The following COL4A2 variants were observed in gnomAD, a reference collection of about 807,000 sequenced individuals.
COL4A2 encodes the protein collagen alpha-2(IV) chain.
Under a neutral mutation model 200.2 loss-of-function variants are expected in COL4A2, and 99 were observed. The ratio of observed to expected loss-of-function variants is 0.49; its 90% CI spans 0.42 to 0.58. The LOEUF is 0.58. Among genes scored for constraint, COL4A2 ranks in the 20% least tolerant of loss-of-function variants. The probability of loss-of-function intolerance (pLI) is 0.00; values close to 1 mark genes in which losing one functional copy is unlikely to be tolerated. For synonymous variants in COL4A2, 897 were observed against 900.6 expected (o/e 1.00, Z 0.07); for missense variants, 1,950 against 2,314.1 (o/e 0.84, Z 3.23).
At chr13:110,384,754 T>C (rs1470149345) in intron 4 of COL4A2, among the ~76,000 whole-genome samples, 3 of 152,194 alleles carry the variant, frequency 2.0e-5, no homozygotes, top group African/African-American at 7.2e-5. Flanking sequence ...AAAGCCACTG[T>C]CTTCCCTCTC....
In COL4A2 at chr13:110,445,868, C is replaced by T; in HGVS notation, c.997C>T (p.Pro333Ser). The T allele has an allele frequency of 6.2e-7, 1 of 1,614,156 alleles. No individual in the cohort carries two copies. The highest frequency in any genetic ancestry group is 1.1e-5 in the South Asian group (1 of 91,076). Residue 333 changes from proline to serine, a missense_variant, in exon 17 of 48, where the codon CCC becomes TCC. This residue lies in a region of COL4A2 where 565 missense variants were observed against 593.5 expected (regional missense o/e 0.95). Transcript: ENST00000360467. ...GLDGYQGPDG[P>S]RGPKGEAGDP... ...GGATGGCTATCAAGGGCCTGATGGA[C>T]CCCGGGGACCCAAGGTGAGCCCGTT...
chr13:110,450,541 T>C, intron 20 of COL4A2, 87 bp downstream of exon 20: 1 of 1,494,486 alleles, frequency 6.7e-7, no homozygotes, highest in East Asian at 2.3e-5. Flanking sequence ...GATTCTCTGC[T>C]AAATGACTCT....
intron 16 of COL4A2, among the ~76,000 whole-genome samples, chr13:110,445,120 G>A (rs1881271951): frequency 6.6e-6 from 1 of 152,114 alleles, no homozygotes; most frequent in African/African-American, 2.4e-5. Flanking sequence ...CGAAGTGCTG[G>A]GATTACAGGC....
rs2296847 is a variant in COL4A2, at chr13:110,495,745, C to T, written c.3760+278C>T. On this transcript the variant is annotated intron_variant, in intron 40 of 47. Transcript: ENST00000360467. ...TAGAGACCCCATCAGATCCTCTGTGCGCCTGGGGCACTGGCACAGGCCTTG... is the reference window on the plus strand; with the variant it reads ...TAGAGACCCCATCAGATCCTCTGTGTGCCTGGGGCACTGGCACAGGCCTTG... Among the ~76,000 whole-genome samples, 5,159 of 152,258 alleles carry T rather than the reference C, an allele frequency of 0.034. 228 individuals are homozygous for T. The highest frequency in any genetic ancestry group is 0.17 in the East Asian group (896 of 5,166).
chr13:110,458,850 C>T lies in COL4A2; in HGVS notation c.1512C>T (p.Phe504=), dbSNP rs764125351. The change falls in exon 22 of 48, where the codon TTC becomes TTT. Residue 504 remains phenylalanine, a synonymous_variant. Transcript: ENST00000360467. ...CGGGACTGCCAGGACCCAAGGGCTT[C>T]GCAGGCATCAACGGGGAGCCGGGGA... ...GLPGLPGPKG[F]AGINGEPGRK... is the part of the protein sequence containing the mutation. 6 of 1,613,384 alleles carry T rather than the reference C, an allele frequency of 3.7e-6. No individual in the cohort carries two copies. The highest frequency in any genetic ancestry group is 3.3e-5 in the Admixed American group (2 of 59,944).
Position 110,446,652 on chromosome 13 carries a change from A to G in COL4A2, c.1012-146A>G, listed in dbSNP as rs144775429. On this transcript the variant is annotated intron_variant, in intron 17 of 47. Coordinates refer to ENST00000360467, the MANE Select transcript of COL4A2 (RefSeq NM_001846.4). Reference sequence around the variant, plus strand: ...CACCCTAGCATGGGGATGCTGCCCCAGGCACTGTCTGTGGTTCCACTGGTT... The same window carrying G: ...CACCCTAGCATGGGGATGCTGCCCCGGGCACTGTCTGTGGTTCCACTGGTT... 411 of 635,446 alleles carry G rather than the reference A, an allele frequency of 6.5e-4. 2 individuals are homozygous for G. The highest frequency in any genetic ancestry group is 6.4e-3 in the African/African-American group (355 of 55,554). The allele number at this position is 635,446 out of a possible 1,614,324, so 39.4% of individuals were successfully genotyped here.
At chr13:110,386,178 G>A (rs1878741247) in intron 4 of COL4A2, among the ~76,000 whole-genome samples, 1 of 152,238 alleles carries the variant, frequency 6.6e-6, no homozygotes, top group African/African-American at 2.4e-5. Context: ...GTTACATTGT[G>A]TGACTAGATT....
At chr13:110,376,161 T>C (rs1294321891) in intron 4 of COL4A2, among the ~76,000 whole-genome samples, 9 of 152,238 alleles carry the variant, frequency 5.9e-5, no homozygotes, top group African/African-American at 2.2e-4. Context: ...GGCCTCCTGC[T>C]TGTTCATGAC....
At chr13:110,493,142 G>A (rs1048014401) in intron 38 of COL4A2, 69 bp from the exon 39 acceptor site, 49 of 1,586,838 alleles carry the variant, frequency 3.1e-5, no homozygotes, top group Non-Finnish European at 4.2e-5. Flanking sequence ...CACCCCCGCA[G>A]GTGAAATAAA....
In COL4A2 at chr13:110,499,670, G is replaced by T. The variant is rs1318895; in HGVS notation, c.3761-1998G>T. Among the ~76,000 whole-genome samples the T allele has an allele frequency of 2.8e-3, 427 of 152,330 alleles. 3 individuals carry two copies. The highest frequency in any genetic ancestry group is 9.2e-3 in the African/African-American group (382 of 41,556). Reference sequence around the variant, plus strand: ...CAACATGGGCCTTCACGGAACCCCTGTTAGTGAGACTCTTTTATGTCAGTA... The same window carrying T: ...CAACATGGGCCTTCACGGAACCCCTTTTAGTGAGACTCTTTTATGTCAGTA... On this transcript the variant is annotated intron_variant, in intron 40 of 47. Coordinates refer to ENST00000360467, the MANE Select transcript of COL4A2 (RefSeq NM_001846.4).
chr13:110,511,066 TGAGA>T (rs1202486610), intron 47 of COL4A2, among the ~76,000 whole-genome samples: 1 of 152,054 alleles, frequency 6.6e-6, no homozygotes, highest in African/African-American at 2.4e-5. Flanking sequence ...CAAACTGAAC[TGAGA>T]TATTTCTATT....
At chr13:110,493,669 A>T (rs1042370203) in intron 39 of COL4A2, among the ~76,000 whole-genome samples, 1 of 152,168 alleles carries the variant, frequency 6.6e-6, no homozygotes, top group Admixed American at 6.5e-5. Context: ...GGCCTAAGGA[A>T]GCCAGCGGTT....
intron 3 of COL4A2, among the ~76,000 whole-genome samples, chr13:110,338,846 G>C (rs569332112): frequency 2.6e-5 from 4 of 152,256 alleles, no homozygotes; most frequent in Non-Finnish European, 5.9e-5. Context: ...TGAGCCGGGA[G>C]GTCACAACGC....
intron 4 of COL4A2, among the ~76,000 whole-genome samples, chr13:110,414,939 A>C: frequency 6.6e-6 from 1 of 152,100 alleles, no homozygotes; most frequent in East Asian, 1.9e-4. Context: ...TTTTTTTGTT[A>C]ATTATCTTTT....
chr13:110,437,840 T>G (rs999624651), intron 13 of COL4A2, among the ~76,000 whole-genome samples, 162 bp from the exon 14 acceptor site: 5 of 152,232 alleles, frequency 3.3e-5, no homozygotes, highest in African/African-American at 4.8e-5. Flanking sequence ...TCTCTTGAAT[T>G]TTGAAGCTGC....
intron 3 of COL4A2, among the ~76,000 whole-genome samples, chr13:110,320,211 G>A (rs1197176407): frequency 6.6e-6 from 1 of 152,234 alleles, no homozygotes; most frequent in African/African-American, 2.4e-5. Flanking sequence ...CATTACATAA[G>A]GTGGCTAGGC....
Position 110,503,486 on chromosome 13 carries a change from G to T in COL4A2, c.4138+5G>T. 6.6e-7 allele frequency: 1 copy of T among 1,524,776 alleles called. No individual in the cohort carries two copies. Among genetic ancestry groups the T allele is most frequent in the South Asian group, 1.2e-5 (1 of 83,342 alleles). 94.5% of individuals were successfully genotyped at this position (1,524,776 alleles called of 1,614,324 possible). On this transcript the variant is annotated splice_donor_5th_base_variant and intron_variant, in intron 43 of 47. Transcript: ENST00000360467. ...AGGGAGACCCAGGATTCCCTGGTAA[G>T]TGACCGTCTGGTATCTTCAGAGCTA...
At chr13:110,441,638 A>G (rs9521761) in intron 16 of COL4A2, among the ~76,000 whole-genome samples, 151,327 of 152,276 alleles carry the variant, frequency 0.99, 75,209 homozygotes, top group Middle Eastern at 1. Flanking sequence ...AAAAGCAAAT[A>G]TTGTAAAGGG....
At chr13:110,313,468 G>C (rs966461439) in intron 3 of COL4A2, among the ~76,000 whole-genome samples, 5 of 150,694 alleles carry the variant, frequency 3.3e-5, no homozygotes, top group Non-Finnish European at 7.4e-5. Context: ...CTCCCACCCC[G>C]GTGCCCCGCG....
Sources: gnomAD v4.1 joint callset for allele counts (sites outside exome capture counted in the v4.1 genomes callset) on GRCh38, gnomAD v4.1.1 for gene constraint, gnomAD v4.1.1 regional missense constraint, MANE v1.5 for transcripts, NCBI Gene and HGNC (gene_info 2026-07-23, HGNC 2026-07-21) for gene names.